The following DAB2IP variants were observed in gnomAD, a reference collection of about 807,000 sequenced individuals.
The protein encoded by DAB2IP is DAB2 interacting protein, also known as disabled homolog 2-interacting protein.
DAB2IP carries 28 observed loss-of-function variants against 107.2 expected under a neutral mutation model. The observed-to-expected ratio is 0.26, with a 90% CI of 0.19 to 0.36. The LOEUF is 0.36. Ranked by LOEUF, DAB2IP falls within the 10% of genes least tolerant of loss-of-function variation. The pLI, the probability that DAB2IP is intolerant of heterozygous loss-of-function variation, is 1.00. For synonymous variants in DAB2IP, 755 were observed against 706.4 expected (o/e 1.07, Z -1.09); for missense variants, 1,400 against 1,644.7 (o/e 0.85, Z 2.57).
At chr9:121,742,586 T>C (rs1172930093) in intron 3 of DAB2IP, among the ~76,000 whole-genome samples, 2 of 152,116 alleles carry the variant, frequency 1.3e-5, no homozygotes, top group African/African-American at 4.8e-5. Flanking sequence ...CCTATTCCAG[T>C]AACTAGGCAG....
chr9:121,707,700 C>G (rs1333833826), intron 3 of DAB2IP, among the ~76,000 whole-genome samples: 3 of 152,144 alleles, frequency 2.0e-5, no homozygotes, highest in South Asian at 4.1e-4. Flanking sequence ...CTCCCTGTGC[C>G]CAATGACTAA....
intron 1 of DAB2IP, among the ~76,000 whole-genome samples, chr9:121,577,106 A>T (rs527519956): frequency 1.3e-5 from 2 of 152,154 alleles, no homozygotes; most frequent in Non-Finnish European, 2.9e-5. Flanking sequence ...TGGGAGCCAC[A>T]TCCCTCCATG....
At chr9:121,742,502 T>C (rs1832426357) in intron 3 of DAB2IP, among the ~76,000 whole-genome samples, 1 of 152,226 alleles carries the variant, frequency 6.6e-6, no homozygotes, top group African/African-American at 2.4e-5. Context: ...CCCACGCTTC[T>C]CTGAGGGTGC....
intron 8 of DAB2IP, among the ~76,000 whole-genome samples, chr9:121,765,285 G>A (rs991199130): frequency 1.3e-5 from 2 of 152,186 alleles, no homozygotes; most frequent in African/African-American, 4.8e-5. Context: ...CCTCTTTCTG[G>A]CATTTATCAG....
rs1589544021 is a variant in DAB2IP at position 121,701,646 on chromosome 9, G to C, written c.362+2188G>C. On this transcript the variant is annotated intron_variant, in intron 3 of 15. Transcript: ENST00000408936. The surrounding 1 kb of genome is among the most constrained non-coding windows in gnomAD (Gnocchi z 4.7). The stretch of plus-strand genomic sequence containing the variant: ...CTGGGGTCTCCTGATTTGCTGCTTT[G>C]CTTAGGAACAGATTCGTCGGCTGCT... Among the ~76,000 whole-genome samples the C allele has an allele frequency of 6.6e-6, 1 of 152,164 alleles. No individual in the cohort carries two copies. The highest frequency in any genetic ancestry group is 1.9e-4 in the East Asian group (1 of 5,194).
chr9:121,754,186 A>G (rs757121853), intron 3 of DAB2IP, among the ~76,000 whole-genome samples: 1 of 152,120 alleles, frequency 6.6e-6, no homozygotes, highest in Non-Finnish European at 1.5e-5. Context: ...TCATCTTATC[A>G]GCTACCACCA....
In DAB2IP at chr9:121,702,735, AG is replaced by A. The variant is rs1359372117; in HGVS notation, c.362+3278del. Among the ~76,000 whole-genome samples, 5 of 152,164 alleles carry A rather than the reference AG, an allele frequency of 3.3e-5. No homozygotes were observed. The highest frequency in any genetic ancestry group is 7.3e-5 in the Non-Finnish European group (5 of 68,034). On this transcript the variant is annotated intron_variant, in intron 3 of 15. Coordinates refer to ENST00000408936, the Ensembl canonical transcript of DAB2IP. This position sits in a 1 kb window ranked among gnomAD's most constrained non-coding sequence, Gnocchi z 4.5. ...CTGTCAGCCCAGAGGATAATTTCCA[AG>A]TCATTCATTTATTTATTAATGTTAC...
intron 13 of DAB2IP, among the ~76,000 whole-genome samples, chr9:121,775,748 CT>C (rs1835156601): frequency 6.6e-6 from 1 of 152,226 alleles, no homozygotes; most frequent in Non-Finnish European, 1.5e-5. Context: ...AAGCTGGGAT[CT>C]TACCCTGCTA....
intron 1 of DAB2IP, chr9:121,567,269 CCT>C (rs1330108724): frequency 6.2e-6 from 10 of 1,613,368 alleles, no homozygotes; most frequent in Middle Eastern, 1.6e-4. Context: ...GGGGTTTCAG[CCT>C]CTCTGCTCAA....
At chr9:121,769,456 T>C (rs1834537495) in intron 10 of DAB2IP, among the ~76,000 whole-genome samples, 1 of 152,226 alleles carries the variant, frequency 6.6e-6, no homozygotes, top group Non-Finnish European at 1.5e-5. Context: ...GTGCATTTCT[T>C]ACCACTGTGT....
chr9:121,710,654 C>T (rs1034421004), intron 3 of DAB2IP, among the ~76,000 whole-genome samples: 2 of 152,174 alleles, frequency 1.3e-5, no homozygotes, highest in Non-Finnish European at 2.9e-5. Context: ...ACTTCCCTTC[C>T]TCCAAGGTCA....
Position 121,760,129 on chromosome 9 carries a change from G to GC in DAB2IP, c.861dup (p.Asn288GlnfsTer63). ...ACCGACAAGAAGAAGAAGAAGGAGC[G>GC]CAACAGTTACCTGGGCCTGGTGAGC... is the stretch of plus-strand genomic sequence containing the variant. On this transcript the variant is annotated frameshift_variant, in exon 6 of 16. Transcript: ENST00000408936. LOFTEE classifies it high-confidence loss of function. The surrounding 1 kb of genome is among the most constrained non-coding windows in gnomAD (Gnocchi z 5.9). 1 of 1,613,866 alleles carries GC rather than the reference G, an allele frequency of 6.2e-7. No homozygotes were observed. Among genetic ancestry groups the GC allele is most frequent in the Non-Finnish European group, 8.5e-7 (1 of 1,180,018 alleles).
chr9:121,774,078 G>C (rs1834995366), intron 12 of DAB2IP, among the ~76,000 whole-genome samples, 182 bp from the exon 13 acceptor site: 1 of 152,212 alleles, frequency 6.6e-6, no homozygotes, highest in African/African-American at 2.4e-5. Flanking sequence ...TCTGCCTTTG[G>C]CTGCCGTCTG....
At chr9:121,679,421 C>T (rs1219281701) in intron 2 of DAB2IP, among the ~76,000 whole-genome samples, 1 of 150,138 alleles carries the variant, frequency 6.7e-6, no homozygotes, top group African/African-American at 2.5e-5. Context: ...TGTACACACA[C>T]ACACACACAC....
chr9:121,729,033 GTAA>G (rs1397576501), intron 3 of DAB2IP, among the ~76,000 whole-genome samples: 1 of 152,172 alleles, frequency 6.6e-6, no homozygotes, highest in Non-Finnish European at 1.5e-5. Context: ...AACAACAATA[GTAA>G]TAATGCCTGT....
At chr9:121,681,534 A>T (rs1828604009) in intron 2 of DAB2IP, among the ~76,000 whole-genome samples, 1 of 152,082 alleles carries the variant, frequency 6.6e-6, no homozygotes, top group Non-Finnish European at 1.5e-5. Context: ...AGCGTGTTCA[A>T]GGTGGTCGTT....
In DAB2IP at chr9:121,602,195, T is replaced by C. The variant is rs116370031; in HGVS notation, c.40+34967T>C. Among the ~76,000 whole-genome samples, 603 of 152,334 alleles carry C rather than the reference T, an allele frequency of 4.0e-3. 2 individuals are homozygous for C. Among genetic ancestry groups the C allele is most frequent in the African/African-American group, 0.014 (579 of 41,574 alleles). On this transcript the variant is annotated intron_variant, in intron 1 of 16. Transcript: ENST00000259371. ...TCTGGAGCTGGTTACTCTTCCTTTCTAGGGCTTTCTCCCAACTTAAGATGG... is the reference window on the plus strand; with the variant it reads ...TCTGGAGCTGGTTACTCTTCCTTTCCAGGGCTTTCTCCCAACTTAAGATGG...
At chr9:121,581,832 A>G (rs1184893595) in intron 1 of DAB2IP, among the ~76,000 whole-genome samples, 1 of 152,204 alleles carries the variant, frequency 6.6e-6, no homozygotes, top group African/African-American at 2.4e-5. Flanking sequence ...GAGGAGGGAC[A>G]GGTCCAAAGC....
intron 1 of DAB2IP, chr9:121,598,582 G>A (rs1830581520): frequency 6.6e-6 from 1 of 152,304 alleles, no homozygotes; most frequent in Non-Finnish European, 1.5e-5. Flanking sequence ...CCCCTGCTGG[G>A]GCCTCCAGCC....
Sources: allele counts gnomAD v4.1 joint callset (sites outside exome capture counted in the v4.1 genomes callset), GRCh38; gene constraint gnomAD v4.1.1; non-coding constraint Gnocchi (gnomAD v3.1); transcripts MANE v1.5; gene names NCBI Gene and HGNC (gene_info 2026-07-23, HGNC 2026-07-21).